NTM: variants seen among roughly 807,000 people sequenced by gnomAD.
The protein encoded by NTM is IgLON family member 2.
A neutral mutation model predicts 42.1 loss-of-function variants in NTM; 13 were observed. The ratio of observed to expected loss-of-function variants is 0.31; its 90% confidence interval spans 0.20 to 0.49. NTM has a LOEUF of 0.49. Ranked by LOEUF, NTM falls within the 20% of genes least tolerant of loss-of-function variation. The pLI is 0.99. For missense variants in NTM, 373 were observed against 452.8 expected, an observed-to-expected ratio of 0.82 and a Z score of 1.60; for synonymous variants, 187 against 179.2, an observed-to-expected ratio of 1.04 and a Z score of -0.35.
At chr11:131,834,630 A>ATATATATATG (rs2043253692) in intron 1 of NTM, among the ~76,000 whole-genome samples, 2 of 144,872 alleles carry the variant, frequency 1.4e-5, no homozygotes, top group South Asian at 4.5e-4. Flanking sequence ...ATATACATAT[A>ATATATATATG]TATATATATA....
intron 1 of NTM, among the ~76,000 whole-genome samples, chr11:131,817,795 G>T (rs1468214233): frequency 6.6e-6 from 1 of 152,212 alleles, no homozygotes; most frequent in Non-Finnish European, 1.5e-5. Flanking sequence ...AACAATAATT[G>T]CCAGCCCTTG....
chr11:131,680,604 CCTGTGT>C (rs2072404349), intron 1 of NTM, among the ~76,000 whole-genome samples: 2 of 7,522 alleles, frequency 2.7e-4, no homozygotes, highest in African/African-American at 5.2e-4. Context: ...TGAGATCATG[CCTGTGT>C]CTGTGTCTGT....
chr11:131,936,742 A>G (rs553208448), intron 2 of NTM, among the ~76,000 whole-genome samples: 17 of 152,168 alleles, frequency 1.1e-4, no homozygotes, highest in Non-Finnish European at 1.6e-4. Flanking sequence ...CTGGGGAAAA[A>G]ATTCTCACTA....
intron 1 of NTM, among the ~76,000 whole-genome samples, chr11:131,817,345 A>G (rs2092992072): frequency 1.3e-5 from 2 of 152,262 alleles, no homozygotes; most frequent in African/African-American, 4.8e-5. Flanking sequence ...CACATACAGC[A>G]TATCTGCTCA....
At chr11:131,956,912 T>C (rs2134439336) in intron 2 of NTM, among the ~76,000 whole-genome samples, 1 of 152,276 alleles carries the variant, frequency 6.6e-6, no homozygotes, top group South Asian at 2.1e-4. Flanking sequence ...GTGCTATTAA[T>C]CAGATACTGT....
At chr11:132,270,627 G>A (rs1208619730) in intron 4 of NTM, among the ~76,000 whole-genome samples, 1 of 151,126 alleles carries the variant, frequency 6.6e-6, no homozygotes, top group Admixed American at 6.6e-5. Flanking sequence ...GAACATTTTT[G>A]TATATGTCTT....
chr11:131,585,355 C>T (rs1302010802), intron 1 of NTM, among the ~76,000 whole-genome samples: 1 of 152,192 alleles, frequency 6.6e-6, no homozygotes, highest in Non-Finnish European at 1.5e-5. Context: ...ACGCTGGCGG[C>T]TGATTGCGAT....
At chr11:131,774,033 C>T (rs1028609953) in intron 1 of NTM, 1 of 983,636 alleles carries the variant, frequency 1.0e-6, no homozygotes, top group Non-Finnish European at 1.2e-6. Context: ...AGTCAATAGC[C>T]TTGGTGTCAT....
chr11:131,851,530 G>GAC lies in NTM; in HGVS notation c.83-60034_83-60033insAC, dbSNP rs1565629315. On this transcript the variant is annotated intron_variant, in intron 1 of 8. Coordinates refer to ENST00000683400, the MANE Select transcript of NTM (RefSeq NM_001352005.2). ...TAACATCACATGCCCTGGTGAGAAT[G>GAC]GCGTGTGTGTGTGTGTGTGTGTGTG... Among the ~76,000 whole-genome samples, 4 of 70,088 alleles carry GAC rather than the reference G, an allele frequency of 5.7e-5. No homozygotes were observed. The Admixed American group carries it at 7.1e-4, about 13-fold the overall frequency. The allele number at this position is 70,088 out of a possible 152,430, so 46.0% of individuals were successfully genotyped here.
chr11:131,647,015 C>T (rs2065851262), intron 1 of NTM, among the ~76,000 whole-genome samples: 1 of 152,212 alleles, frequency 6.6e-6, no homozygotes, highest in Non-Finnish European at 1.5e-5. Context: ...CACTGCCTTG[C>T]AGGGCTCCCA....
intron 1 of NTM, among the ~76,000 whole-genome samples, chr11:131,674,957 T>C (rs2071108439): frequency 6.6e-6 from 1 of 152,210 alleles, no homozygotes; most frequent in African/African-American, 2.4e-5. Flanking sequence ...AAGCTCCCAG[T>C]GTGCCAGATG....
chr11:131,869,974 C>A (rs1222567779), intron 1 of NTM, among the ~76,000 whole-genome samples: 1 of 152,220 alleles, frequency 6.6e-6, no homozygotes, highest in African/African-American at 2.4e-5. Flanking sequence ...TTCATTCACA[C>A]CTCAGCTGTA....
At chr11:131,981,422 G>A (rs1393293083) in intron 2 of NTM, 5 of 152,150 alleles carry the variant, frequency 3.3e-5, no homozygotes, top group African/African-American at 7.2e-5. Flanking sequence ...TTCCAATCAC[G>A]AGCTGGAGCA....
chr11:132,130,138 C>G (rs1367448755), intron 2 of NTM, among the ~76,000 whole-genome samples: 1 of 152,158 alleles, frequency 6.6e-6, no homozygotes, highest in Non-Finnish European at 1.5e-5. Flanking sequence ...GAGAAGGGAA[C>G]CTAGTCTGAT....
At chr11:131,860,844 C>T (rs1342696656) in intron 1 of NTM, among the ~76,000 whole-genome samples, 4 of 152,164 alleles carry the variant, frequency 2.6e-5, no homozygotes, top group African/African-American at 9.7e-5. Flanking sequence ...CGTTTATCTC[C>T]CTGTCTCTTG....
intron 2 of NTM, among the ~76,000 whole-genome samples, chr11:131,985,801 G>A (rs2065972624): frequency 6.6e-6 from 1 of 152,158 alleles, no homozygotes; most frequent in African/African-American, 2.4e-5. Flanking sequence ...GAGAAAACAA[G>A]TTTTGGTGAG....
At chr11:132,073,026 A>T (rs1337777684) in intron 2 of NTM, among the ~76,000 whole-genome samples, 1 of 152,152 alleles carries the variant, frequency 6.6e-6, no homozygotes, top group Non-Finnish European at 1.5e-5. Flanking sequence ...AGCTGGGTCC[A>T]TTTGCACACA....
intron 2 of NTM, among the ~76,000 whole-genome samples, chr11:132,058,478 C>G (rs1391778128): frequency 1.3e-5 from 2 of 152,190 alleles, no homozygotes; most frequent in Admixed American, 1.3e-4. Context: ...GCCTTTCTGA[C>G]TTCTCCCACT....
intron 4 of NTM, among the ~76,000 whole-genome samples, chr11:132,273,002 G>T (rs1181736485): frequency 1.3e-5 from 2 of 151,894 alleles, no homozygotes; most frequent in Non-Finnish European, 2.9e-5. Context: ...TATGATTTTT[G>T]TTTTGTTTTT....
Sources: gnomAD v4.1 joint callset for allele counts (sites outside exome capture counted in the v4.1 genomes callset) on GRCh38, gnomAD v4.1.1 for gene constraint, MANE v1.5 for transcripts, NCBI Gene and HGNC (gene_info 2026-07-23, HGNC 2026-07-21) for gene names.